CACNA1A: variants seen among roughly 807,000 people sequenced by gnomAD.
CACNA1A encodes calcium voltage-gated channel subunit alpha1 A, also known as voltage-dependent P/Q-type calcium channel subunit alpha-1A.
In CACNA1A, 57 loss-of-function variants were observed where a neutral mutation model predicts 262.4. The observed-to-expected ratio is 0.22, with a 90% CI of 0.18 to 0.27. The LOEUF (loss-of-function observed/expected upper bound fraction) is 0.27, where lower values mean the gene tolerates loss of function less well. CACNA1A is among the 10% of genes least tolerant of loss of function. The probability of loss-of-function intolerance (pLI) is 1.00; values close to 1 mark genes in which losing one functional copy is unlikely to be tolerated. For missense variants in CACNA1A, 2,526 were observed against 3,562.8 expected (o/e 0.71, Z 7.41); for synonymous variants, 1,431 against 1,419.3 (o/e 1.01, Z -0.18).
At position 13,230,075 on chromosome 19, in the gene CACNA1A, T is replaced by C. The variant is rs367551746; in HGVS notation, c.5528+7A>G. On this transcript the variant is annotated splice_region_variant and intron_variant, in intron 36 of 46. Transcript: ENST00000360228. ...TTGTGGCTGGAGGATTCGGGGTGAC[T>C]TCTTACCAAGCTGCGGGGTCATACT... 7.4e-6 allele frequency: 12 copies of C among 1,612,888 alleles called. No individual in the cohort carries two copies. In the African/African-American group the frequency reaches 1.1e-4, roughly 14 times the overall value.
intron 5 of CACNA1A, 64 bp from the exon 6 acceptor site, chr19:13,359,863 G>A: frequency 8.9e-7 from 1 of 1,123,266 alleles, no homozygotes; most frequent in Non-Finnish European, 1.3e-6. Flanking sequence ...TGAGAAATAG[G>A]GACCAGTGAC....
chr19:13,326,400 T>C (rs1477946440), intron 10 of CACNA1A, among the ~76,000 whole-genome samples: 1 of 152,194 alleles, frequency 6.6e-6, no homozygotes, highest in Non-Finnish European at 1.5e-5. Flanking sequence ...AAGTTCCTTA[T>C]TTCAGCAGTA....
chr19:13,475,034 C>T (rs553068593), intron 1 of CACNA1A, among the ~76,000 whole-genome samples: 42 of 152,292 alleles, frequency 2.8e-4, no homozygotes, highest in South Asian at 2.7e-3. Flanking sequence ...ATTAGAAGCA[C>T]TATAGGAAGA....
rs777990901 is a variant in CACNA1A at position 13,210,638 on chromosome 19, C to G, written c.6318G>C (p.Arg2106=). 1 of 1,564,826 alleles carries G rather than the reference C, an allele frequency of 6.4e-7. No individual in the cohort carries two copies. The highest frequency in any genetic ancestry group is 1.2e-5 in the South Asian group (1 of 84,802). The change falls in exon 44 of 47, where the codon CGG becomes CGC. Residue 2106 remains arginine, a synonymous_variant. Transcript: ENST00000360228. ...LPAENQRRRG[R]PRGNNLSTIS... ...ATACACTGAGGTTATTCCCACGTGGCCGGCCCCTTCTCCTCTGTCACAGCC... is the reference window on the plus strand; with the variant it reads ...ATACACTGAGGTTATTCCCACGTGGGCGGCCCCTTCTCCTCTGTCACAGCC...
At chr19:13,296,165 G>A (rs1361402314) in intron 19 of CACNA1A, among the ~76,000 whole-genome samples, 2 of 152,200 alleles carry the variant, frequency 1.3e-5, no homozygotes, top group Non-Finnish European at 2.9e-5. Flanking sequence ...GGAGCTCGTT[G>A]CAAATGCAGA....
At chr19:13,306,169 G>A (rs1468914018) in intron 15 of CACNA1A, among the ~76,000 whole-genome samples, 1 of 151,986 alleles carries the variant, frequency 6.6e-6, no homozygotes, top group Non-Finnish European at 1.5e-5. Context: ...CTCCCCAGGA[G>A]AAGGAGAGAG....
chr19:13,448,699 G>A (rs765057284), intron 3 of CACNA1A, among the ~76,000 whole-genome samples: 2 of 152,150 alleles, frequency 1.3e-5, no homozygotes, highest in Admixed American at 6.6e-5. Flanking sequence ...TCCTGGGTAC[G>A]TGCCCTAGAG....
chr19:13,302,655 G>C (rs964399552), intron 17 of CACNA1A, among the ~76,000 whole-genome samples: 4 of 152,206 alleles, frequency 2.6e-5, no homozygotes, highest in African/African-American at 9.6e-5. Flanking sequence ...CCTAAGGATG[G>C]ACTCTTGGAA....
intron 3 of CACNA1A, among the ~76,000 whole-genome samples, chr19:13,393,379 T>G (rs571993248): frequency 6.6e-6 from 1 of 152,182 alleles, no homozygotes. Flanking sequence ...TATGACCCCA[T>G]GTGCTTAAAG....
chr19:13,330,815 T>A (rs12976446), intron 9 of CACNA1A, among the ~76,000 whole-genome samples: 2 of 152,116 alleles, frequency 1.3e-5, no homozygotes, highest in Non-Finnish European at 2.9e-5. Context: ...GGTCAAACTC[T>A]TGACCTCAAG....
intron 46 of CACNA1A, among the ~76,000 whole-genome samples, chr19:13,208,515 G>A (rs1025647184): frequency 1.3e-5 from 2 of 150,950 alleles, no homozygotes; most frequent in African/African-American, 2.4e-5. Context: ...AGCTGCGGGC[G>A]GCGGGGAGGG....
rs536060283 is a variant in CACNA1A at position 13,239,177 on chromosome 19, T to C, written c.4951-3447A>G. Among the ~76,000 whole-genome samples the C allele has an allele frequency of 2.2e-4, 34 of 152,202 alleles. No homozygotes were observed. In the Middle Eastern group the frequency reaches 0.01, roughly 46 times the overall value. On this transcript the variant is annotated intron_variant, in intron 31 of 46. Coordinates refer to ENST00000360228, the MANE Select transcript of CACNA1A (RefSeq NM_001127222.2). ...AGGAGAAAGCCCATATTCCACAATATAGCCCCGCCCTCCCCAGCCCCGGGT... is the reference window on the plus strand; with the variant it reads ...AGGAGAAAGCCCATATTCCACAATACAGCCCCGCCCTCCCCAGCCCCGGGT...
intron 3 of CACNA1A, among the ~76,000 whole-genome samples, chr19:13,446,054 C>T (rs896529150): frequency 6.6e-6 from 1 of 152,034 alleles, no homozygotes; most frequent in Non-Finnish European, 1.5e-5. Flanking sequence ...GTGGGCAGAT[C>T]ACCTGAGGTC....
At chr19:13,298,118 T>C (rs1011094779) in intron 19 of CACNA1A, among the ~76,000 whole-genome samples, 2 of 146,598 alleles carry the variant, frequency 1.4e-5, no homozygotes, top group African/African-American at 5.1e-5. Flanking sequence ...CCACTGCTCC[T>C]GGCCAAATAC....
At chr19:13,254,314 G>A (rs191232174) in intron 29 of CACNA1A, among the ~76,000 whole-genome samples, 3 of 151,936 alleles carry the variant, frequency 2.0e-5, no homozygotes, top group Non-Finnish European at 2.9e-5. Context: ...CTTAGCCCTG[G>A]GGATTTTAGG....
At chr19:13,318,899 T>C (rs1334611806) in intron 10 of CACNA1A, among the ~76,000 whole-genome samples, 1 of 146,820 alleles carries the variant, frequency 6.8e-6, no homozygotes, top group Admixed American at 6.8e-5. Flanking sequence ...TCTTTTTTTT[T>C]TTTTTTTGAG....
rs2057136722 is a variant in CACNA1A, at chr19:13,275,919, T to C, written c.3920A>G (p.Tyr1307Cys). 6.2e-7 allele frequency: 1 copy of C among 1,613,660 alleles called. No individual in the cohort carries two copies. The highest frequency in any genetic ancestry group is 1.7e-5 in the Admixed American group (1 of 59,994). ...DLGLVLHQGA[Y>C]FRDLWNILDF... ...GAGAATATTCCAGAGGTCACGGAAG[T>C]AGGCACCCTGATGCAGGACGAGCCC... Residue 1307 changes from tyrosine to cysteine, a missense_variant, in exon 24 of 47, where the codon TAC becomes TGC. Physicochemically the swap from Tyr to Cys is radical, Grantham distance 194. This residue lies in a region of CACNA1A where 137 missense variants were observed against 377.7 expected (regional missense o/e 0.36). Transcript: ENST00000360228.
In CACNA1A at chr19:13,285,346, T is replaced by C. The variant is rs1309984785; in HGVS notation, c.3554-140A>G. The C allele has an allele frequency of 3.7e-6, 3 of 816,264 alleles. No homozygotes were observed. The African/African-American group carries it at 5.2e-5, about 14-fold the overall frequency. 50.6% of individuals were successfully genotyped at this position (816,264 alleles called of 1,614,324 possible). A position where few individuals can be genotyped will look rare whatever the true frequency, so the allele number is the denominator to read the frequency against. ...TGTATATACCAGGCATCTTATGACA[T>C]CACTGAACCCTTGTATAGCCCTGAG... On this transcript the variant is annotated intron_variant, in intron 20 of 46. Coordinates refer to ENST00000360228, the MANE Select transcript of CACNA1A (RefSeq NM_001127222.2).
intron 4 of CACNA1A, among the ~76,000 whole-genome samples, chr19:13,366,470 T>C (rs1474672325): frequency 1.3e-5 from 2 of 151,958 alleles, no homozygotes; most frequent in Non-Finnish European, 2.9e-5. Flanking sequence ...AATCTATATA[T>C]ATATTTTATA....
Sources: gnomAD v4.1 joint callset for allele counts (sites outside exome capture counted in the v4.1 genomes callset) on GRCh38, gnomAD v4.1.1 for gene constraint, gnomAD v4.1.1 regional missense constraint, MANE v1.5 for transcripts, NCBI Gene and HGNC (gene_info 2026-07-23, HGNC 2026-07-21) for gene names.